Variants in ENTREP2 observed in about 807,000 individuals in gnomAD.
The protein encoded by ENTREP2 is endosomal transmembrane epsin interactor 2.
At chr15:29,603,935 G>T in the ENTREP2 span, among the ~76,000 whole-genome samples, 1 of 152,052 alleles carries the variant, frequency 6.6e-6, no homozygotes, top group African/African-American at 2.4e-5. Flanking sequence ...CAACATGCCT[G>T]GCCTGAAACT....
the ENTREP2 span, among the ~76,000 whole-genome samples, chr15:29,467,534 G>A: frequency 6.6e-6 from 1 of 152,184 alleles, no homozygotes; most frequent in South Asian, 2.1e-4. Context: ...GTGAGATGCA[G>A]GTTAAGAGGA....
chr15:29,268,953 G>C, the ENTREP2 span: 1 of 1,614,168 alleles, frequency 6.2e-7, no homozygotes. Context: ...TGGTTCGCGG[G>C]CCCCACTGGA....
the ENTREP2 span, among the ~76,000 whole-genome samples, chr15:29,542,644 T>C: frequency 6.6e-6 from 1 of 152,186 alleles, no homozygotes; most frequent in Non-Finnish European, 1.5e-5. Flanking sequence ...CGGCACAACG[T>C]ACATTCACAT....
At chr15:29,324,603 G>T in the ENTREP2 span, among the ~76,000 whole-genome samples, 1 of 152,192 alleles carries the variant, frequency 6.6e-6, no homozygotes, top group African/African-American at 2.4e-5. Context: ...GGAAGTTGGA[G>T]TACCAATATT....
At chr15:29,159,386 C>T in the ENTREP2 span, among the ~76,000 whole-genome samples, 1 of 152,096 alleles carries the variant, frequency 6.6e-6, no homozygotes, top group Non-Finnish European at 1.5e-5. Context: ...TGAGCAGCAG[C>T]AAGATTTATT....
chr15:29,369,883 G>A, the ENTREP2 span, among the ~76,000 whole-genome samples: 1 of 152,166 alleles, frequency 6.6e-6, no homozygotes, highest in Non-Finnish European at 1.5e-5. Context: ...AGAGTTAATT[G>A]TTATAAAATG....
chr15:29,445,621 T>G, the ENTREP2 span, among the ~76,000 whole-genome samples: 12 of 152,180 alleles, frequency 7.9e-5, no homozygotes, highest in African/African-American at 2.9e-4. Flanking sequence ...AAATAAGAGG[T>G]TACCCTGTGC....
the ENTREP2 span, among the ~76,000 whole-genome samples, chr15:29,349,831 G>A: frequency 6.6e-6 from 1 of 152,174 alleles, no homozygotes; most frequent in Non-Finnish European, 1.5e-5. Context: ...CCAGGAGGCA[G>A]AGGTTGCAGT....
At chr15:29,672,924 G>T in the ENTREP2 span, among the ~76,000 whole-genome samples, 3 of 152,238 alleles carry the variant, frequency 2.0e-5, no homozygotes, top group East Asian at 5.8e-4. Flanking sequence ...CATAGGCAGG[G>T]CAGTGGCATG....
the ENTREP2 span, among the ~76,000 whole-genome samples, chr15:29,251,203 T>C: frequency 2.0e-5 from 3 of 152,312 alleles, no homozygotes; most frequent in East Asian, 5.8e-4. Context: ...TGGAGGGACA[T>C]GGCTCTGAAA....
At chr15:29,133,206 C>G in the ENTREP2 span, among the ~76,000 whole-genome samples, 26 of 152,050 alleles carry the variant, frequency 1.7e-4, no homozygotes, top group Non-Finnish European at 3.8e-4. Flanking sequence ...GTAACCTCCT[C>G]AAGGTCCTAG....
At chr15:29,555,777 T>C in the ENTREP2 span, among the ~76,000 whole-genome samples, 1 of 152,198 alleles carries the variant, frequency 6.6e-6, no homozygotes, top group African/African-American at 2.4e-5. Flanking sequence ...TCCTACCTCT[T>C]TCCTTTTTAC....
At chr15:29,600,898 C>CTTTTTTTTTTTTTTTTTTTTTTT in the ENTREP2 span, among the ~76,000 whole-genome samples, 482 of 125,272 alleles carry the variant, frequency 3.8e-3, 85 homozygotes, top group Middle Eastern at 9.0e-3. Context: ...TATGATTTTT[C>CTTTTTTTTTTTTTTTTTTTTTTT]TTTCTTTTTT....
At chr15:29,122,616 G>A in the ENTREP2 span, 3 of 152,270 alleles carry the variant, frequency 2.0e-5, no homozygotes, top group East Asian at 1.9e-4. Context: ...CAAGAGGAGG[G>A]GGGGAAGGCA....
chr15:29,338,935 A>G, the ENTREP2 span, among the ~76,000 whole-genome samples: 1 of 152,120 alleles, frequency 6.6e-6, no homozygotes, highest in Non-Finnish European at 1.5e-5. Flanking sequence ...TGAATGTAGC[A>G]GGGCCCGAGA....
the ENTREP2 span, among the ~76,000 whole-genome samples, chr15:29,436,941 CT>C: frequency 5.9e-5 from 9 of 152,226 alleles, no homozygotes; most frequent in Admixed American, 1.3e-4. Context: ...ATGCTGACCC[CT>C]AACCTCCTGT....
the ENTREP2 span, among the ~76,000 whole-genome samples, chr15:29,328,437 A>T: frequency 6.6e-6 from 1 of 152,232 alleles, no homozygotes; most frequent in Non-Finnish European, 1.5e-5. Context: ...AAAAGTATTT[A>T]AAAGGTGGGA....
the ENTREP2 span, among the ~76,000 whole-genome samples, chr15:29,517,162 C>G: frequency 2.0e-5 from 3 of 152,000 alleles, no homozygotes; most frequent in Non-Finnish European, 4.4e-5. Context: ...GGGGGAGCAG[C>G]GGAGAGCAAA....
the ENTREP2 span, among the ~76,000 whole-genome samples, chr15:29,377,208 T>C: frequency 2.0e-5 from 3 of 152,324 alleles, no homozygotes; most frequent in Non-Finnish European, 4.4e-5. Context: ...GTCATGCTAG[T>C]GCTAAGTCCC....
Sources: gnomAD v4.1 joint callset for allele counts (sites outside exome capture counted in the v4.1 genomes callset) on GRCh38, gnomAD v4.1.1 for gene constraint, MANE v1.5 for transcripts, NCBI Gene and HGNC (gene_info 2026-07-23, HGNC 2026-07-21) for gene names.